Variants in LSAMP observed in about 807,000 individuals in gnomAD.
LSAMP encodes the protein limbic system-associated membrane protein.
LSAMP carries 7 observed loss-of-function variants against 38.6 expected under a neutral mutation model. The ratio of observed to expected loss-of-function variants is 0.18; its 90% confidence interval spans 0.10 to 0.34. The LOEUF (loss-of-function observed/expected upper bound fraction) is 0.34, where lower values mean the gene tolerates loss of function less well. LSAMP is among the 10% of genes least tolerant of loss of function. The pLI, the probability that LSAMP is intolerant of heterozygous loss-of-function variation, is 1.00. For synonymous variants in LSAMP, 154 were observed against 166.8 expected (o/e 0.92, Z 0.59); for missense variants, 313 against 420.0 (o/e 0.75, Z 2.23).
rs544209789 is a variant in LSAMP, at chr3:115,877,327, G to A, written c.515-24710C>T. Among the ~76,000 whole-genome samples the A allele has an allele frequency of 8.4e-4, 127 of 151,946 alleles. 1 individual carries two copies. The highest frequency in any genetic ancestry group is 2.5e-3 in the African/African-American group (103 of 41,444). Reference sequence around the variant, plus strand: ...CTCTGCCTTCATTCCAGAAACAAATGGATGTGTTAAAACAGTGAAATGTGT... The same window carrying A: ...CTCTGCCTTCATTCCAGAAACAAATAGATGTGTTAAAACAGTGAAATGTGT... On this transcript the variant is annotated intron_variant, in intron 3 of 6. Coordinates refer to ENST00000490035, the MANE Select transcript of LSAMP (RefSeq NM_002338.5).
At chr3:116,359,713 A>T (rs779316484) in intron 1 of LSAMP, among the ~76,000 whole-genome samples, 47 of 152,192 alleles carry the variant, frequency 3.1e-4, no homozygotes, top group Non-Finnish European at 5.9e-4. Context: ...AAAACTAAGC[A>T]ATGGAGAAAG....
At chr3:116,414,989 T>A (rs2049030120) in intron 1 of LSAMP, among the ~76,000 whole-genome samples, 1 of 152,030 alleles carries the variant, frequency 6.6e-6, no homozygotes, top group Non-Finnish European at 1.5e-5. Context: ...CACAGCATGG[T>A]AACTCCCTAT....
chr3:115,813,619 T>C (rs568555245), intron 6 of LSAMP, among the ~76,000 whole-genome samples: 1 of 152,298 alleles, frequency 6.6e-6, no homozygotes, highest in African/African-American at 2.4e-5. Flanking sequence ...CTTACTCTTT[T>C]CATAACTGGG....
intron 1 of LSAMP, among the ~76,000 whole-genome samples, chr3:116,427,614 A>G (rs2049220093): frequency 6.6e-6 from 1 of 152,112 alleles, no homozygotes; most frequent in African/African-American, 2.4e-5. Flanking sequence ...TTACAGTGTG[A>G]AGTCTTTCTC....
chr3:116,384,717 GT>G (rs1363456758), intron 1 of LSAMP, among the ~76,000 whole-genome samples: 1 of 152,056 alleles, frequency 6.6e-6, no homozygotes, highest in Non-Finnish European at 1.5e-5. Flanking sequence ...GAGGTGTTTC[GT>G]GATTTTTTTC....
intron 1 of LSAMP, among the ~76,000 whole-genome samples, chr3:116,295,699 G>C (rs954601407): frequency 1.3e-5 from 2 of 152,144 alleles, no homozygotes; most frequent in Non-Finnish European, 2.9e-5. Context: ...TTTGTGTCTT[G>C]TGTCTTAATT....
intron 1 of LSAMP, among the ~76,000 whole-genome samples, chr3:116,323,534 T>C (rs544904270): frequency 1.3e-4 from 20 of 152,222 alleles, no homozygotes; most frequent in African/African-American, 4.6e-4. Flanking sequence ...AACCTCTCTA[T>C]CCCTCAGATG....
intron 1 of LSAMP, among the ~76,000 whole-genome samples, chr3:116,415,645 T>C (rs115591916): frequency 0.011 from 1,642 of 152,242 alleles, 35 homozygotes; most frequent in African/African-American, 0.038. Flanking sequence ...TAGATGATTA[T>C]GGGAAACTGG....
chr3:115,902,646 G>GA (rs140900277), intron 3 of LSAMP, among the ~76,000 whole-genome samples: 1 of 151,970 alleles, frequency 6.6e-6, no homozygotes, highest in South Asian at 2.1e-4. Context: ...AAATTTATAA[G>GA]AAAAAACAAA....
intron 1 of LSAMP, among the ~76,000 whole-genome samples, chr3:116,282,430 T>C (rs910378493): frequency 6.6e-6 from 1 of 152,226 alleles, no homozygotes; most frequent in Non-Finnish European, 1.5e-5. Context: ...CAGTCTGTCA[T>C]TGTAACATTC....
intron 1 of LSAMP, among the ~76,000 whole-genome samples, chr3:116,092,148 T>G (rs1708138419): frequency 6.6e-6 from 1 of 152,212 alleles, no homozygotes; most frequent in African/African-American, 2.4e-5. Context: ...CAAGCTGAAT[T>G]TAATTTAACA....
chr3:115,902,908 T>A (rs1936914479), intron 3 of LSAMP, among the ~76,000 whole-genome samples: 1 of 152,086 alleles, frequency 6.6e-6, no homozygotes, highest in Non-Finnish European at 1.5e-5. Context: ...TGTAAATTAG[T>A]TTCAACCATT....
chr3:116,211,386 T>A (rs2046154251), intron 1 of LSAMP, among the ~76,000 whole-genome samples: 1 of 152,250 alleles, frequency 6.6e-6, no homozygotes, highest in East Asian at 1.9e-4. Context: ...GTAATGCATA[T>A]GTTAATTAGC....
chr3:116,197,954 C>T (rs2045924976), intron 1 of LSAMP, among the ~76,000 whole-genome samples: 1 of 145,070 alleles, frequency 6.9e-6, no homozygotes, highest in Admixed American at 7.1e-5. Flanking sequence ...TCCAATTTCA[C>T]CAGTCAAAGA....
chr3:116,131,952 C>T (rs964613524), intron 1 of LSAMP, among the ~76,000 whole-genome samples: 47 of 151,700 alleles, frequency 3.1e-4, no homozygotes, highest in Non-Finnish European at 4.3e-4. Context: ...CTCAGTCTCC[C>T]GAGTAGCTGG....
chr3:115,992,871 A>T (rs1169268971), intron 3 of LSAMP, among the ~76,000 whole-genome samples: 1 of 152,070 alleles, frequency 6.6e-6, no homozygotes, highest in Non-Finnish European at 1.5e-5. Context: ...TCTCCCTTGG[A>T]TGCTGGCTGT....
At chr3:116,338,306 A>C (rs1424465979) in intron 1 of LSAMP, among the ~76,000 whole-genome samples, 2 of 151,934 alleles carry the variant, frequency 1.3e-5, no homozygotes, top group Admixed American at 6.6e-5. Context: ...TCTATATTGA[A>C]CTGCAGGACA....
chr3:116,009,982 T>A (rs1218604109), intron 3 of LSAMP, among the ~76,000 whole-genome samples: 1 of 152,176 alleles, frequency 6.6e-6, no homozygotes, highest in Admixed American at 6.5e-5. Context: ...AGTGGTACAA[T>A]CTTGGCTCAC....
chr3:116,246,090 G>A (rs375467056), intron 1 of LSAMP, among the ~76,000 whole-genome samples: 24 of 152,192 alleles, frequency 1.6e-4, no homozygotes, highest in South Asian at 1.2e-3. Context: ...AAATAGGTCC[G>A]ACCTGCTTAA....
Sources: allele counts gnomAD v4.1 joint callset (sites outside exome capture counted in the v4.1 genomes callset), GRCh38; gene constraint gnomAD v4.1.1; transcripts MANE v1.5; gene names NCBI Gene and HGNC (gene_info 2026-07-23, HGNC 2026-07-21).